ARHGAP24: variants seen among roughly 807,000 people sequenced by gnomAD.
ARHGAP24 encodes the protein rho GTPase-activating protein 24.
In ARHGAP24, 50 loss-of-function variants were observed where a neutral mutation model predicts 76.4. The ratio of observed to expected loss-of-function variants is 0.65; its 90% CI spans 0.52 to 0.83. The LOEUF (loss-of-function observed/expected upper bound fraction) is 0.83. ARHGAP24 is among the 40% of genes least tolerant of loss of function. ARHGAP24 has a pLI of 0.00. For synonymous variants in ARHGAP24, 345 were observed against 323.3 expected, an observed-to-expected ratio of 1.07 and a Z score of -0.72; for missense variants, 930 against 914.2, an observed-to-expected ratio of 1.02 and a Z score of -0.22.
chr4:85,505,080 G>A (rs543138257), intron 1 of ARHGAP24, among the ~76,000 whole-genome samples: 32 of 152,214 alleles, frequency 2.1e-4, no homozygotes, highest in East Asian at 5.8e-4. Context: ...GGGTTTCTGT[G>A]GAGAGATCTG....
chr4:85,651,546 T>C (rs1292764463), intron 2 of ARHGAP24, among the ~76,000 whole-genome samples: 3 of 148,532 alleles, frequency 2.0e-5, no homozygotes, highest in Non-Finnish European at 4.4e-5. Context: ...TTTTTAATAA[T>C]TATAAATATA....
intron 2 of ARHGAP24, among the ~76,000 whole-genome samples, chr4:85,594,097 C>A (rs1728221100): frequency 6.6e-6 from 1 of 151,274 alleles, no homozygotes; most frequent in African/African-American, 2.4e-5. Flanking sequence ...TGGGATCTTT[C>A]CTTTTTTTAA....
At chr4:85,688,150 C>G (rs1179623370) in intron 2 of ARHGAP24, among the ~76,000 whole-genome samples, 1 of 152,156 alleles carries the variant, frequency 6.6e-6, no homozygotes, top group Admixed American at 6.5e-5. Flanking sequence ...GATCTCCAAA[C>G]TCCTTTCAAC....
At chr4:85,831,880 CA>C (rs1730009322) in intron 3 of ARHGAP24, among the ~76,000 whole-genome samples, 1 of 146,534 alleles carries the variant, frequency 6.8e-6, no homozygotes, top group Non-Finnish European at 1.5e-5. Flanking sequence ...TCAGCTTGGG[CA>C]ACAGAGTGAG....
intron 2 of ARHGAP24, among the ~76,000 whole-genome samples, chr4:85,673,550 G>A (rs1269504164): frequency 1.3e-5 from 2 of 151,608 alleles, no homozygotes; most frequent in African/African-American, 2.4e-5. Flanking sequence ...TTTTCAAGAT[G>A]TGAGTGAAAG....
chr4:85,821,318 CTT>C (rs1287494435), intron 3 of ARHGAP24, among the ~76,000 whole-genome samples: 1 of 152,104 alleles, frequency 6.6e-6, no homozygotes, highest in Non-Finnish European at 1.5e-5. Context: ...GTAGATTAAA[CTT>C]GAAAAAGTTG....
At position 85,777,030 on chromosome 4, in the gene ARHGAP24, A is replaced by T. The variant is rs190375115; in HGVS notation, c.268+55058A>T. Reference sequence around the variant, plus strand: ...TTTGCATAGGGCTCAAACAGACATAATCAAATGAGAATAAAAGGAAAATAA... The same window carrying T: ...TTTGCATAGGGCTCAAACAGACATATTCAAATGAGAATAAAAGGAAAATAA... On this transcript the variant is annotated intron_variant, in intron 3 of 9. Coordinates refer to ENST00000395184, the MANE Select transcript of ARHGAP24 (RefSeq NM_001025616.3). Among the ~76,000 whole-genome samples the T allele has an allele frequency of 7.0e-4, 106 of 152,344 alleles. 1 individual carries two copies. The highest frequency in any genetic ancestry group is 3.9e-3 in the Admixed American group (59 of 15,286).
At chr4:85,933,171 A>T (rs1446742506) in intron 4 of ARHGAP24, among the ~76,000 whole-genome samples, 4 of 152,190 alleles carry the variant, frequency 2.6e-5, no homozygotes, top group Admixed American at 2.6e-4. Context: ...CATCAGCTTA[A>T]GTCATTTTAA....
At chr4:85,667,398 T>A (rs935142333) in intron 2 of ARHGAP24, among the ~76,000 whole-genome samples, 1 of 152,154 alleles carries the variant, frequency 6.6e-6, no homozygotes, top group African/African-American at 2.4e-5. Flanking sequence ...AGGTGCCATC[T>A]GTCACCCCTG....
intron 3 of ARHGAP24, among the ~76,000 whole-genome samples, chr4:85,882,761 A>G (rs1473592919): frequency 6.6e-6 from 1 of 152,194 alleles, no homozygotes; most frequent in East Asian, 1.9e-4. Context: ...TAAAGGGACA[A>G]TGCTGGTGTC....
intron 2 of ARHGAP24, among the ~76,000 whole-genome samples, chr4:85,625,388 G>C (rs1259971645): frequency 6.6e-6 from 1 of 152,142 alleles, no homozygotes. Flanking sequence ...GGTTTTGAGT[G>C]AGTTTCTTAA....
intron 2 of ARHGAP24, among the ~76,000 whole-genome samples, chr4:85,668,915 G>C (rs1196285248): frequency 6.6e-6 from 1 of 152,190 alleles, no homozygotes; most frequent in African/African-American, 2.4e-5. Context: ...TACAAACCTG[G>C]TGAAGTAACT....
chr4:85,583,100 G>C (rs933290780), intron 2 of ARHGAP24, among the ~76,000 whole-genome samples: 1 of 152,096 alleles, frequency 6.6e-6, no homozygotes, highest in Non-Finnish European at 1.5e-5. Flanking sequence ...ATTTTTTCTA[G>C]TAAAATGCAT....
intron 3 of ARHGAP24, among the ~76,000 whole-genome samples, chr4:85,875,935 G>T (rs902404025): frequency 1.3e-5 from 2 of 151,624 alleles, no homozygotes; most frequent in East Asian, 3.9e-4. Context: ...TAGACACAGG[G>T]TTTCACTATG....
intron 3 of ARHGAP24, among the ~76,000 whole-genome samples, chr4:85,859,470 T>G (rs747717849): frequency 6.6e-6 from 1 of 152,092 alleles, no homozygotes; most frequent in African/African-American, 2.4e-5. Context: ...AAGTCCCAAA[T>G]GAGTATCAAC....
chr4:85,547,843 T>C (rs998463480), intron 1 of ARHGAP24, among the ~76,000 whole-genome samples: 7 of 152,220 alleles, frequency 4.6e-5, no homozygotes, highest in African/African-American at 1.7e-4. Context: ...TTTGACACTA[T>C]TTAAATATCT....
At chr4:85,688,143 C>A (rs945680809) in intron 2 of ARHGAP24, among the ~76,000 whole-genome samples, 1 of 152,100 alleles carries the variant, frequency 6.6e-6, no homozygotes, top group Non-Finnish European at 1.5e-5. Flanking sequence ...TTTGAGAGAT[C>A]TCCAAACTCC....
intron 2 of ARHGAP24, among the ~76,000 whole-genome samples, chr4:85,704,408 T>G (rs1724219218): frequency 6.6e-6 from 1 of 152,156 alleles, no homozygotes; most frequent in African/African-American, 2.4e-5. Context: ...GAGTTAAAAT[T>G]TATTGACCAC....
chr4:85,860,995 T>TGTAC (rs1731860000), intron 3 of ARHGAP24, among the ~76,000 whole-genome samples: 1 of 134,056 alleles, frequency 7.5e-6, no homozygotes, highest in Admixed American at 7.1e-5. Context: ...ATTCTGTGCA[T>TGTAC]GCACGCACAC....
Sources: gnomAD v4.1 joint callset for allele counts (sites outside exome capture counted in the v4.1 genomes callset) on GRCh38, gnomAD v4.1.1 for gene constraint, MANE v1.5 for transcripts, NCBI Gene and HGNC (gene_info 2026-07-23, HGNC 2026-07-21) for gene names.